CDH10: variants seen among roughly 807,000 people sequenced by gnomAD.
CDH10 encodes cadherin 10, also known as cadherin-10.
A neutral mutation model predicts 73.1 loss-of-function variants in CDH10; 30 were observed. The ratio of observed to expected loss-of-function variants is 0.41; its 90% confidence interval spans 0.31 to 0.56. The LOEUF (loss-of-function observed/expected upper bound fraction) is 0.56, where lower values mean the gene tolerates loss of function less well. CDH10 is among the 20% of genes least tolerant of loss of function. The pLI, the probability that CDH10 is intolerant of heterozygous loss-of-function variation, is 0.27. For synonymous variants in CDH10, 345 were observed against 348.2 expected (o/e 0.99, Z 0.10); for missense variants, 815 against 973.7 (o/e 0.84, Z 2.17).
chr5:24,541,554 A>C (rs375945896), intron 2 of CDH10, among the ~76,000 whole-genome samples: 40 of 152,192 alleles, frequency 2.6e-4, no homozygotes, highest in South Asian at 1.2e-3. Flanking sequence ...AGTTGGGATC[A>C]ATGGGTCACA....
intron 8 of CDH10, among the ~76,000 whole-genome samples, chr5:24,502,780 G>A (rs779540881): frequency 1.1e-4 from 16 of 152,086 alleles, no homozygotes; most frequent in Non-Finnish European, 1.9e-4. Context: ...ATCAAGCAGA[G>A]AGCACAATCA....
intron 2 of CDH10, among the ~76,000 whole-genome samples, chr5:24,545,702 T>C (rs1334375872): frequency 6.6e-6 from 1 of 151,930 alleles, no homozygotes; most frequent in African/African-American, 2.4e-5. Context: ...TCCCAACTAC[T>C]TGGGACTCAA....
At chr5:24,501,146 T>C (rs559088926) in intron 8 of CDH10, among the ~76,000 whole-genome samples, 5 of 152,278 alleles carry the variant, frequency 3.3e-5, no homozygotes, top group Admixed American at 3.3e-4. Context: ...TTCCTTTCAA[T>C]ATAAAGTCTT....
At chr5:24,504,528 T>C (rs1485483280) in intron 8 of CDH10, among the ~76,000 whole-genome samples, 1 of 127,394 alleles carries the variant, frequency 7.8e-6, no homozygotes, top group Non-Finnish European at 1.7e-5. Flanking sequence ...TTTTTTTTTT[T>C]TTTTTTTTTT....
At chr5:24,626,605 A>C (rs1747508303) in intron 1 of CDH10, among the ~76,000 whole-genome samples, 1 of 151,940 alleles carries the variant, frequency 6.6e-6, no homozygotes. Flanking sequence ...TCTAATAGTA[A>C]ATTTTTATTA....
At chr5:24,564,282 T>C (rs1417013619) in intron 2 of CDH10, among the ~76,000 whole-genome samples, 1 of 152,234 alleles carries the variant, frequency 6.6e-6, no homozygotes, top group East Asian at 1.9e-4. Flanking sequence ...TGTACCAAAA[T>C]GTCGAATGCT....
intron 1 of CDH10, among the ~76,000 whole-genome samples, chr5:24,634,515 T>C (rs1747807727): frequency 6.6e-6 from 1 of 151,606 alleles, no homozygotes; most frequent in African/African-American, 2.4e-5. Flanking sequence ...ATAGTGAAGT[T>C]GTGAAAAAAA....
intron 8 of CDH10, chr5:24,499,450 C>A (rs1742410401): frequency 6.6e-6 from 1 of 152,602 alleles, no homozygotes; most frequent in African/African-American, 2.4e-5. Flanking sequence ...TTTTGGGAGA[C>A]TAAGGCAGGT....
intron 1 of CDH10, among the ~76,000 whole-genome samples, chr5:24,607,652 T>A (rs1021981176): frequency 2.0e-5 from 3 of 152,236 alleles, no homozygotes; most frequent in Admixed American, 2.0e-4. Flanking sequence ...CCGTTAGTTT[T>A]TTATGACTTT....
At chr5:24,503,098 T>G (rs145452434) in intron 8 of CDH10, among the ~76,000 whole-genome samples, 66 of 152,314 alleles carry the variant, frequency 4.3e-4, no homozygotes, top group African/African-American at 1.4e-3. Context: ...CCTGAAGCTT[T>G]TAGTTCATTG....
At chr5:24,587,386 C>T (rs576912553) in intron 2 of CDH10, among the ~76,000 whole-genome samples, 1 of 151,982 alleles carries the variant, frequency 6.6e-6, no homozygotes, top group Non-Finnish European at 1.5e-5. Context: ...ACAATGGGTA[C>T]AAAATTTAAT....
intron 2 of CDH10, among the ~76,000 whole-genome samples, chr5:24,548,229 G>A (rs1561155346): frequency 6.6e-6 from 1 of 151,978 alleles, no homozygotes; most frequent in Non-Finnish European, 1.5e-5. Context: ...CCAGCTTCAA[G>A]CGATTCTCCT....
chr5:24,641,267 C>A (rs990595124), intron 1 of CDH10, among the ~76,000 whole-genome samples: 2 of 151,788 alleles, frequency 1.3e-5, no homozygotes, highest in Non-Finnish European at 2.9e-5. Context: ...GCACAGGCGA[C>A]CCAGAGCTGA....
intron 1 of CDH10, among the ~76,000 whole-genome samples, chr5:24,638,801 C>T (rs1747950082): frequency 6.6e-6 from 1 of 151,734 alleles, no homozygotes; most frequent in South Asian, 2.1e-4. Flanking sequence ...AATAGATAAT[C>T]ATTGGATAAT....
intron 1 of CDH10, among the ~76,000 whole-genome samples, chr5:24,630,584 T>C (rs1228859081): frequency 2.0e-5 from 3 of 149,978 alleles, no homozygotes; most frequent in African/African-American, 4.9e-5. Flanking sequence ...AAGAATATCT[T>C]AAGGAAAAAG....
At chr5:24,520,730 T>TG (rs981760983) in intron 5 of CDH10, among the ~76,000 whole-genome samples, 1 of 151,842 alleles carries the variant, frequency 6.6e-6, no homozygotes, top group African/African-American at 2.4e-5. Flanking sequence ...TCACTTTTTT[T>TG]TTGTTGTTTT....
rs577722880 is a variant in CDH10, at chr5:24,628,450, AGGAGT to A, written c.-124+16139_-124+16143del. On this transcript the variant is annotated intron_variant, in intron 1 of 11. Transcript: ENST00000264463. The stretch of plus-strand genomic sequence containing the variant: ...TGTGAGCACATATGAGAAAAATGCT[AGGAGT>A]GGAGAACAGTTTAATTCCATTGCCA... Among the ~76,000 whole-genome samples the A allele has an allele frequency of 4.1e-3, 619 of 152,240 alleles. 5 individuals are homozygous for A. Among genetic ancestry groups the A allele is most frequent in the African/African-American group, 0.014 (598 of 41,522 alleles).
rs149246550 is a variant in CDH10, at chr5:24,600,056, ATT to A, written c.-123-6445_-123-6444del. On this transcript the variant is annotated intron_variant, in intron 1 of 11. Coordinates refer to ENST00000264463, the MANE Select transcript of CDH10 (RefSeq NM_006727.5). ...GGGGCCAGATTGTAATTAATTCTTT[ATT>A]TTTTCAAATGCCTGACTCAATTCTA... Among the ~76,000 whole-genome samples the A allele has an allele frequency of 8.9e-3, 1,356 of 152,146 alleles. 17 individuals are homozygous for A. Among genetic ancestry groups the A allele is most frequent in the African/African-American group, 0.031 (1,289 of 41,522 alleles).
chr5:24,487,334 T>C lies in CDH10; in HGVS notation c.*329A>G, dbSNP rs1741875532. ...AAGCTTCATTTGCAAGGGCAGGACATGTACCTAACAGAAGCGGCTTGTTTG... is the reference window on the plus strand; with the variant it reads ...AAGCTTCATTTGCAAGGGCAGGACACGTACCTAACAGAAGCGGCTTGTTTG... On this transcript the variant is annotated 3_prime_UTR_variant, in exon 12 of 12. Transcript: ENST00000264463. The C allele has an allele frequency of 8.6e-6, 2 of 232,480 alleles. No homozygotes were observed. The highest frequency in any genetic ancestry group is 2.3e-5 in the African/African-American group (1 of 43,960). 14.4% of individuals were successfully genotyped at this position (232,480 alleles called of 1,614,324 possible).
Sources: allele counts gnomAD v4.1 joint callset (sites outside exome capture counted in the v4.1 genomes callset), GRCh38; gene constraint gnomAD v4.1.1; transcripts MANE v1.5; gene names NCBI Gene and HGNC (gene_info 2026-07-23, HGNC 2026-07-21).